The following PTPRD variants were observed in gnomAD, a reference collection of about 807,000 sequenced individuals.
PTPRD encodes receptor-type tyrosine-protein phosphatase delta.
PTPRD carries 34 observed loss-of-function variants against 214.5 expected under a neutral mutation model. The observed-to-expected ratio is 0.16, with a 90% CI of 0.12 to 0.21. The LOEUF is 0.21. Among genes scored for constraint, PTPRD ranks in the 10% least tolerant of loss-of-function variants. The probability of loss-of-function intolerance (pLI) is 1.00; values close to 1 mark genes in which losing one functional copy is unlikely to be tolerated. For synonymous variants in PTPRD, 1,128 were observed against 845.7 expected, an observed-to-expected ratio of 1.33 and a Z score of -5.79; for missense variants, 2,545 against 2,398.7, an observed-to-expected ratio of 1.06 and a Z score of -1.27.
chr9:9,072,687 T>C (rs143104827), intron 10 of PTPRD, among the ~76,000 whole-genome samples: 1 of 152,344 alleles, frequency 6.6e-6, no homozygotes, highest in Admixed American at 6.5e-5. Context: ...TTTGTATTAC[T>C]ATGATAATCG....
At chr9:8,746,168 G>C (rs536573920) in intron 11 of PTPRD, among the ~76,000 whole-genome samples, 84 of 152,128 alleles carry the variant, frequency 5.5e-4, no homozygotes, top group African/African-American at 2.0e-3. Context: ...AGGTGGGAAC[G>C]GGTTAGATTC....
intron 7 of PTPRD, among the ~76,000 whole-genome samples, chr9:9,652,144 T>C (rs535458353): frequency 1.3e-5 from 2 of 152,138 alleles, no homozygotes; most frequent in Admixed American, 6.5e-5. Context: ...GCCTGGCCTA[T>C]TCAAGCTTTA....
intron 10 of PTPRD, among the ~76,000 whole-genome samples, chr9:9,053,133 A>C (rs894984778): frequency 5.9e-5 from 9 of 152,200 alleles, no homozygotes; most frequent in Non-Finnish European, 1.0e-4. Context: ...CCTGAAAAAT[A>C]GTAACATGTA....
chr9:9,502,246 T>C (rs932216203), intron 8 of PTPRD, among the ~76,000 whole-genome samples: 7 of 151,872 alleles, frequency 4.6e-5, no homozygotes, highest in Non-Finnish European at 1.0e-4. Flanking sequence ...CTGAAACTTT[T>C]TACCCTTTGA....
intron 9 of PTPRD, among the ~76,000 whole-genome samples, chr9:9,385,842 A>G (rs911113265): frequency 1.3e-5 from 2 of 152,198 alleles, no homozygotes; most frequent in Admixed American, 1.3e-4. Flanking sequence ...GTCCAAAGAT[A>G]CATAGAAGGT....
intron 5 of PTPRD, among the ~76,000 whole-genome samples, chr9:9,815,522 T>A (rs1308310957): frequency 6.6e-6 from 1 of 151,966 alleles, no homozygotes; most frequent in Non-Finnish European, 1.5e-5. Context: ...GTGGTCTATA[T>A]CAAAGTAAAA....
At chr9:9,634,943 AG>A (rs1308421699) in intron 7 of PTPRD, among the ~76,000 whole-genome samples, 1 of 152,222 alleles carries the variant, frequency 6.6e-6, no homozygotes, top group African/African-American at 2.4e-5. Flanking sequence ...GTAAAGCTGT[AG>A]GAGGCAAAGA....
chr9:10,018,443 T>C (rs936487317), intron 4 of PTPRD, among the ~76,000 whole-genome samples: 1 of 151,554 alleles, frequency 6.6e-6, no homozygotes, highest in Non-Finnish European at 1.5e-5. Context: ...GTGATACAAA[T>C]AGCAGATAAA....
intron 6 of PTPRD, among the ~76,000 whole-genome samples, chr9:9,754,726 T>C (rs2098552539): frequency 6.6e-6 from 1 of 152,056 alleles, no homozygotes; most frequent in Non-Finnish European, 1.5e-5. Flanking sequence ...TTGGACTATA[T>C]TCTAAAAAGA....
At chr9:8,811,864 G>A (rs945251292) in intron 11 of PTPRD, among the ~76,000 whole-genome samples, 5 of 152,014 alleles carry the variant, frequency 3.3e-5, no homozygotes, top group South Asian at 2.1e-4. Context: ...TCCACCTTTC[G>A]CTAAGGATCT....
At chr9:9,165,390 A>C (rs2099901052) in intron 10 of PTPRD, among the ~76,000 whole-genome samples, 1 of 152,232 alleles carries the variant, frequency 6.6e-6, no homozygotes, top group South Asian at 2.1e-4. Context: ...TTCTCCGGAG[A>C]AACAAAGTCA....
chr9:9,942,999 T>A (rs936859995), intron 4 of PTPRD, among the ~76,000 whole-genome samples: 1 of 152,100 alleles, frequency 6.6e-6, no homozygotes, highest in East Asian at 1.9e-4. Flanking sequence ...GGTGGCATTC[T>A]GCTCCATTGC....
rs554068188 is a variant in PTPRD at position 10,208,471 on chromosome 9, G to A, written c.-545+132492C>T. Among the ~76,000 whole-genome samples, 81 of 152,322 alleles carry A rather than the reference G, an allele frequency of 5.3e-4. 2 individuals are homozygous for A. The South Asian group carries it at 0.013, about 25-fold the overall frequency. The stretch of plus-strand genomic sequence containing the variant: ...GGAGCTTGCAGTGAACGGAGATCGC[G>A]CCACTGCACTCCAGCCTGGGCGACA... On this transcript the variant is annotated intron_variant, in intron 3 of 45. Coordinates refer to ENST00000381196, the MANE Select transcript of PTPRD (RefSeq NM_002839.4).
chr9:10,121,121 T>C (rs1022581894), intron 3 of PTPRD, among the ~76,000 whole-genome samples: 4 of 152,168 alleles, frequency 2.6e-5, no homozygotes, highest in African/African-American at 7.2e-5. Context: ...TTCTTTAAAC[T>C]TGATTATTAG....
In PTPRD at chr9:9,962,509, ACATTAAGC is replaced by A. The variant is rs150703671; in HGVS notation, c.-471-23907_-471-23900del. 8.1e-3 allele frequency among the ~76,000 whole-genome samples: 1,225 copies of A among 152,142 alleles called. 10 individuals are homozygous for A. Among genetic ancestry groups the A allele is most frequent in the African/African-American group, 0.027 (1,109 of 41,526 alleles). ...AACATTTAAAGCACAATTCACCCAA[ACATTAAGC>A]CATTAAGCCATTAAGCCACAGTCAA... On this transcript the variant is annotated intron_variant, in intron 4 of 45. Transcript: ENST00000381196.
intron 3 of PTPRD, among the ~76,000 whole-genome samples, chr9:10,103,982 C>T (rs1018606426): frequency 1.3e-5 from 2 of 151,568 alleles, no homozygotes; most frequent in Non-Finnish European, 3.0e-5. Flanking sequence ...AATCATTCCA[C>T]CTTAGAAAGG....
intron 34 of PTPRD, among the ~76,000 whole-genome samples, chr9:8,441,632 G>A (rs1018234041): frequency 3.3e-5 from 5 of 152,006 alleles, no homozygotes; most frequent in Non-Finnish European, 5.9e-5. Context: ...CTGCATGCTT[G>A]TATCCACAAG....
At chr9:9,140,196 A>G (rs1254432155) in intron 10 of PTPRD, among the ~76,000 whole-genome samples, 1 of 151,766 alleles carries the variant, frequency 6.6e-6, no homozygotes, top group Non-Finnish European at 1.5e-5. Flanking sequence ...GCATGGAAAA[A>G]AAAAAAGAAA....
intron 3 of PTPRD, among the ~76,000 whole-genome samples, chr9:10,129,860 T>C (rs2098846514): frequency 6.6e-6 from 1 of 152,106 alleles, no homozygotes; most frequent in South Asian, 2.1e-4. Flanking sequence ...AACACCATCA[T>C]CAGAGAAAAC....
Sources: allele counts gnomAD v4.1 joint callset (sites outside exome capture counted in the v4.1 genomes callset), GRCh38; gene constraint gnomAD v4.1.1; transcripts MANE v1.5; gene names NCBI Gene and HGNC (gene_info 2026-07-23, HGNC 2026-07-21).